CSMD1: variants seen among roughly 807,000 people sequenced by gnomAD.
CSMD1 encodes the protein CUB and Sushi multiple domains 1.
In CSMD1, 213 loss-of-function variants were observed where a neutral mutation model predicts 417.5. The observed-to-expected ratio is 0.51, with a 90% confidence interval of 0.46 to 0.57. The LOEUF (loss-of-function observed/expected upper bound fraction) is 0.57, where lower values mean the gene tolerates loss of function less well. Among genes scored for constraint, CSMD1 ranks in the 20% least tolerant of loss-of-function variants. The pLI, the probability that CSMD1 is intolerant of heterozygous loss-of-function variation, is 0.00. For missense variants in CSMD1, 6,923 were observed against 4,529.7 expected (o/e 1.53, Z -15.17); for synonymous variants, 2,862 against 1,736.8 (o/e 1.65, Z -16.11).
chr8:4,145,887 C>G (rs753832665), intron 3 of CSMD1, among the ~76,000 whole-genome samples: 1 of 151,048 alleles, frequency 6.6e-6, no homozygotes, highest in Admixed American at 6.6e-5. Context: ...AAAATCATGT[C>G]TTGCTCAATG....
At position 3,216,633 on chromosome 8, in the gene CSMD1, A is replaced by G. The variant is rs114495865; in HGVS notation, c.4673-1942T>C. 4.2e-3 allele frequency among the ~76,000 whole-genome samples: 647 copies of G among 152,286 alleles called. 8 individuals are homozygous for G. The highest frequency in any genetic ancestry group is 0.015 in the African/African-American group (607 of 41,562). On this transcript the variant is annotated intron_variant, in intron 29 of 69. Transcript: ENST00000635120. The stretch of plus-strand genomic sequence containing the variant: ...AGTTCCATTACTGACTTGTCACTTC[A>G]GGATGTTCCGTGATAAATCACTGGC...
intron 26 of CSMD1, among the ~76,000 whole-genome samples, chr8:3,268,420 C>G (rs538148143): frequency 4.7e-5 from 7 of 149,260 alleles, no homozygotes; most frequent in African/African-American, 1.7e-4. Context: ...TCCCGAGTAA[C>G]TGGGACTACA....
chr8:4,917,188 G>A (rs970319893), intron 1 of CSMD1, among the ~76,000 whole-genome samples: 8 of 152,162 alleles, frequency 5.3e-5, no homozygotes, highest in African/African-American at 1.7e-4. Flanking sequence ...AGAGAGAAGT[G>A]GGAGGTGCTA....
At chr8:3,452,667 C>T (rs1273312378) in intron 12 of CSMD1, among the ~76,000 whole-genome samples, 1 of 152,080 alleles carries the variant, frequency 6.6e-6, no homozygotes, top group Non-Finnish European at 1.5e-5. Context: ...GGGATGAAAC[C>T]CACTTGATCA....
rs563714931 is a variant in CSMD1 at position 3,442,499 on chromosome 8, A to G, written c.1561+26213T>C. 1.1e-4 allele frequency among the ~76,000 whole-genome samples: 17 copies of G among 152,326 alleles called. No individual in the cohort carries two copies. The East Asian group carries it at 3.1e-3, about 28-fold the overall frequency. The stretch of plus-strand genomic sequence containing the variant: ...TTGTATGTTTACATATGTTCGATAC[A>G]CAAATGTTACTTCTTGTTACAATTG... On this transcript the variant is annotated intron_variant, in intron 12 of 69. Transcript: ENST00000635120.
At chr8:3,938,302 C>G (rs550752844) in intron 5 of CSMD1, among the ~76,000 whole-genome samples, 95 of 152,152 alleles carry the variant, frequency 6.2e-4, no homozygotes, top group Admixed American at 2.9e-3. Context: ...TGCTGGAGTT[C>G]CTTAAATAAT....
At chr8:4,924,418 G>T (rs1182681266) in intron 1 of CSMD1, among the ~76,000 whole-genome samples, 1 of 152,028 alleles carries the variant, frequency 6.6e-6, no homozygotes, top group Non-Finnish European at 1.5e-5. Context: ...AGATGTAATA[G>T]TAAACATAAG....
intron 4 of CSMD1, among the ~76,000 whole-genome samples, chr8:4,016,762 G>A (rs189472772): frequency 1.3e-5 from 2 of 152,190 alleles, no homozygotes; most frequent in Non-Finnish European, 2.9e-5. Context: ...GGGCTCTGTT[G>A]ACCTAAGTTT....
At chr8:3,226,277 C>A (rs1007648907) in intron 27 of CSMD1, among the ~76,000 whole-genome samples, 2 of 152,048 alleles carry the variant, frequency 1.3e-5, no homozygotes, top group African/African-American at 4.8e-5. Flanking sequence ...TTTAGGGACA[C>A]TTTACTCGGA....
intron 1 of CSMD1, among the ~76,000 whole-genome samples, chr8:4,877,211 G>A (rs1803098692): frequency 2.0e-5 from 3 of 151,960 alleles, no homozygotes; most frequent in Non-Finnish European, 1.5e-5. Context: ...CAATGTAGCT[G>A]AATAAAACAG....
chr8:4,307,871 G>T (rs560780360), intron 3 of CSMD1, among the ~76,000 whole-genome samples: 1 of 152,272 alleles, frequency 6.6e-6, no homozygotes, highest in East Asian at 1.9e-4. Flanking sequence ...CACTGAGCAA[G>T]AAGTGTTCAG....
At chr8:3,559,023 C>G (rs535459873) in intron 10 of CSMD1, among the ~76,000 whole-genome samples, 2 of 152,124 alleles carry the variant, frequency 1.3e-5, no homozygotes, top group South Asian at 4.1e-4. Context: ...GGTGACCTGT[C>G]ATGAAAGATT....
chr8:4,696,236 G>T lies in CSMD1; in HGVS notation c.86-58678C>A, dbSNP rs113804671. ...TTCAGTCTATGGACATGACAGATAT[G>T]ATAGATACACATAAGAATTCAATAG... On this transcript the variant is annotated intron_variant, in intron 1 of 69. Coordinates refer to ENST00000635120, the MANE Select transcript of CSMD1 (RefSeq NM_033225.6). Among the ~76,000 whole-genome samples, 79 of 152,200 alleles carry T rather than the reference G, an allele frequency of 5.2e-4. 2 individuals are homozygous for T. The highest frequency in any genetic ancestry group is 1.0e-4 in the Non-Finnish European group (7 of 68,036).
chr8:3,039,519 C>T (rs1037091077), intron 50 of CSMD1, among the ~76,000 whole-genome samples: 1 of 149,908 alleles, frequency 6.7e-6, no homozygotes, highest in South Asian at 2.1e-4. Context: ...CCCTTCCTCC[C>T]TCCTTCGTTC....
intron 5 of CSMD1, among the ~76,000 whole-genome samples, chr8:3,903,301 A>T (rs1807886189): frequency 6.8e-6 from 1 of 147,656 alleles, no homozygotes; most frequent in African/African-American, 2.5e-5. Context: ...TGTTTTTAGA[A>T]TATCCAGGAT....
intron 2 of CSMD1, among the ~76,000 whole-genome samples, chr8:4,525,628 G>A (rs1383695289): frequency 6.6e-6 from 1 of 151,970 alleles, no homozygotes; most frequent in Non-Finnish European, 1.5e-5. Flanking sequence ...AAGTAATAGC[G>A]GTTTTTGTCA....
chr8:4,831,408 A>G (rs868284533), intron 1 of CSMD1, among the ~76,000 whole-genome samples: 21 of 152,328 alleles, frequency 1.4e-4, no homozygotes, highest in Admixed American at 1.0e-3. Flanking sequence ...GCCGTCATTT[A>G]TTGAATAACT....
intron 1 of CSMD1, among the ~76,000 whole-genome samples, chr8:4,829,507 T>G (rs1800020245): frequency 1.3e-5 from 2 of 152,082 alleles, no homozygotes; most frequent in Admixed American, 6.5e-5. Context: ...TTTACCAGGC[T>G]GAGGCAGGAG....
rs375378949 is a variant in CSMD1 at position 4,790,908 on chromosome 8, G to A, written c.86-153350C>T. 1.8e-4 allele frequency among the ~76,000 whole-genome samples: 27 copies of A among 152,250 alleles called. No individual in the cohort carries two copies. The East Asian group carries it at 3.5e-3, about 20-fold the overall frequency. On this transcript the variant is annotated intron_variant, in intron 1 of 69. Coordinates refer to ENST00000635120, the MANE Select transcript of CSMD1 (RefSeq NM_033225.6). ...AAGGAAACATAGGAAATACCATTTTGGACCTAGGCCCTGGCAAAGACTTAA... is the reference window on the plus strand; with the variant it reads ...AAGGAAACATAGGAAATACCATTTTAGACCTAGGCCCTGGCAAAGACTTAA...
Sources: gnomAD v4.1 joint callset for allele counts (sites outside exome capture counted in the v4.1 genomes callset) on GRCh38, gnomAD v4.1.1 for gene constraint, MANE v1.5 for transcripts, NCBI Gene and HGNC (gene_info 2026-07-23, HGNC 2026-07-21) for gene names.